The following SPON1 variants were observed in gnomAD, a reference collection of about 807,000 sequenced individuals.
SPON1 encodes the protein spondin 1.
Under a neutral mutation model 111.7 loss-of-function variants are expected in SPON1, and 52 were observed. The observed-to-expected ratio is 0.47, with a 90% CI of 0.37 to 0.59. The LOEUF is 0.59. Among genes scored for constraint, SPON1 ranks in the 20% least tolerant of loss-of-function variants. The pLI is 0.00. For missense variants in SPON1, 957 were observed against 1,068.5 expected (o/e 0.90, Z 1.46); for synonymous variants, 410 against 395.8 (o/e 1.04, Z -0.43).
intron 2 of SPON1, among the ~76,000 whole-genome samples, chr11:14,019,753 C>A (rs1848467646): frequency 1.3e-5 from 2 of 152,172 alleles, no homozygotes. Context: ...CAGCCTTTCT[C>A]TTCTATTCCA....
intron 5 of SPON1, among the ~76,000 whole-genome samples, chr11:14,101,399 C>G (rs1167313548): frequency 2.0e-5 from 3 of 151,926 alleles, no homozygotes; most frequent in Non-Finnish European, 4.4e-5. Context: ...GACTCCATCT[C>G]AAAAAATAAT....
intron 2 of SPON1, among the ~76,000 whole-genome samples, chr11:14,006,591 C>G (rs905642020): frequency 4.6e-5 from 7 of 152,096 alleles, no homozygotes; most frequent in African/African-American, 7.2e-5. Flanking sequence ...CGTGGTGGAC[C>G]GGTGGTCCAT....
intron 3 of SPON1, among the ~76,000 whole-genome samples, chr11:14,063,367 C>T (rs1012390205): frequency 2.6e-5 from 4 of 152,166 alleles, no homozygotes; most frequent in Non-Finnish European, 5.9e-5. Flanking sequence ...CCACATTATT[C>T]ACTAAGAAAA....
At chr11:14,219,221 C>T (rs1848655046) in intron 6 of SPON1, among the ~76,000 whole-genome samples, 1 of 152,184 alleles carries the variant, frequency 6.6e-6, no homozygotes, top group African/African-American at 2.4e-5. Context: ...CTTCCTATTT[C>T]TTCTCATTGC....
chr11:14,045,847 G>C (rs1481947644), intron 3 of SPON1, among the ~76,000 whole-genome samples: 2 of 151,780 alleles, frequency 1.3e-5, no homozygotes, highest in Non-Finnish European at 2.9e-5. Context: ...TCAGTCAAAA[G>C]TTTGAAATTT....
chr11:14,264,276 G>A (rs1554942211), intron 15 of SPON1, among the ~76,000 whole-genome samples: 1 of 152,086 alleles, frequency 6.6e-6, no homozygotes, highest in Non-Finnish European at 1.5e-5. Context: ...TAAGCAAGAG[G>A]GTGACTGTAT....
At chr11:14,066,346 A>G (rs1355961942) in intron 3 of SPON1, among the ~76,000 whole-genome samples, 2 of 152,208 alleles carry the variant, frequency 1.3e-5, no homozygotes, top group African/African-American at 4.8e-5. Flanking sequence ...TACCATGGAT[A>G]ATTTCAACCA....
Position 14,267,838 on chromosome 11 carries a change from C to A in SPON1, c.*2151C>A, listed in dbSNP as rs556783191. Reference sequence around the variant, plus strand: ...AATTTGTTTGGACTTCCACTTGAGACAGTAAAGAGAGTATTAGACACCCAG... The same window carrying A: ...AATTTGTTTGGACTTCCACTTGAGAAAGTAAAGAGAGTATTAGACACCCAG... On this transcript the variant is annotated 3_prime_UTR_variant, in exon 16 of 16. Transcript: ENST00000576479. 4.6e-5 allele frequency: 7 copies of A among 152,196 alleles called. No homozygotes were observed. In the South Asian group the frequency reaches 1.5e-3, roughly 32 times the overall value. The allele number at this position is 152,196 out of a possible 1,614,324, so 9.4% of individuals were successfully genotyped here. A position where few individuals can be genotyped will look rare whatever the true frequency, so the allele number is the denominator to read the frequency against.
intron 6 of SPON1, among the ~76,000 whole-genome samples, chr11:14,178,586 T>C (rs1848206214): frequency 6.6e-6 from 1 of 152,174 alleles, no homozygotes; most frequent in African/African-American, 2.4e-5. Context: ...TGCAAGGAAA[T>C]GAGCATAGAT....
intron 4 of SPON1, 89 bp downstream of exon 4, chr11:14,075,507 C>T (rs1848910287): frequency 3.1e-6 from 3 of 981,402 alleles, no homozygotes; most frequent in African/African-American, 1.6e-5. Context: ...AATTAAGGCC[C>T]CTGGGCTTCG....
intron 6 of SPON1, among the ~76,000 whole-genome samples, chr11:14,178,911 T>C (rs1250585453): frequency 6.6e-6 from 1 of 152,212 alleles, no homozygotes; most frequent in Non-Finnish European, 1.5e-5. Flanking sequence ...CGTGGCAGCC[T>C]GCTAGACTGG....
chr11:14,024,060 C>A (rs1311141705), intron 2 of SPON1, among the ~76,000 whole-genome samples: 1 of 151,480 alleles, frequency 6.6e-6, no homozygotes. Context: ...CCTCACAAGG[C>A]ATGTGACAGT....
intron 5 of SPON1, among the ~76,000 whole-genome samples, chr11:14,121,023 C>T (rs1214485540): frequency 6.6e-6 from 1 of 152,158 alleles, no homozygotes; most frequent in African/African-American, 2.4e-5. Flanking sequence ...CTGATGCATA[C>T]AACAACATGG....
At chr11:14,231,557 C>T (rs1848803364) in intron 6 of SPON1, among the ~76,000 whole-genome samples, 1 of 152,154 alleles carries the variant, frequency 6.6e-6, no homozygotes, top group Non-Finnish European at 1.5e-5. Context: ...TTCCCTTCTC[C>T]TGAGGCAACT....
intron 5 of SPON1, among the ~76,000 whole-genome samples, chr11:14,119,484 T>C (rs906617263): frequency 7.2e-5 from 11 of 152,210 alleles, no homozygotes; most frequent in African/African-American, 2.4e-4. Context: ...ACTTGCTTGC[T>C]GGCTAAATTG....
At chr11:14,095,525 C>T (rs1264195060) in intron 5 of SPON1, among the ~76,000 whole-genome samples, 11 of 152,022 alleles carry the variant, frequency 7.2e-5, no homozygotes, top group South Asian at 4.1e-4. Context: ...ATCTGCAAAC[C>T]GGAGACCCAG....
Position 13,962,842 on chromosome 11 carries a change from A to G in SPON1, c.-63A>G. ...GCCAGGTCGCGCCTTCGTCGGGACC[A>G]CTTCGGGCAGGAGTCGCGTGGCGAA... On this transcript the variant is annotated 5_prime_UTR_variant, in exon 1 of 16. Transcript: ENST00000576479. 1 of 1,372,378 alleles carries G rather than the reference A, an allele frequency of 7.3e-7. No individual in the cohort carries two copies. The highest frequency in any genetic ancestry group is 9.4e-7 in the Non-Finnish European group (1 of 1,059,380). 85.0% of individuals were successfully genotyped at this position (1,372,378 alleles called of 1,614,324 possible). A position where few individuals can be genotyped will look rare whatever the true frequency, so the allele number is the denominator to read the frequency against.
At chr11:14,061,130 A>G (rs558925831) in intron 3 of SPON1, among the ~76,000 whole-genome samples, 6 of 152,366 alleles carry the variant, frequency 3.9e-5, no homozygotes, top group Admixed American at 2.0e-4. Context: ...TTTGTGGGAC[A>G]GAAAACTGAT....
chr11:14,182,789 G>A (rs916001523), intron 6 of SPON1, among the ~76,000 whole-genome samples: 8 of 152,212 alleles, frequency 5.3e-5, no homozygotes, highest in East Asian at 1.9e-4. Context: ...ACACTCCAGC[G>A]CTCACTGAAA....
Sources: allele counts gnomAD v4.1 joint callset (sites outside exome capture counted in the v4.1 genomes callset), GRCh38; gene constraint gnomAD v4.1.1; transcripts MANE v1.5; gene names NCBI Gene and HGNC (gene_info 2026-07-23, HGNC 2026-07-21).